The following LDB2 variants were observed in gnomAD, a reference collection of about 807,000 sequenced individuals.
LDB2 encodes the protein LIM domain binding 2, also known as LIM domain-binding protein 2.
In LDB2, 12 loss-of-function variants were observed where a neutral mutation model predicts 44.3. The observed-to-expected ratio is 0.27, with a 90% CI of 0.17 to 0.44. LDB2 has a LOEUF of 0.44. Ranked by LOEUF, LDB2 falls within the 20% of genes least tolerant of loss-of-function variation. The pLI is 1.00. For missense variants in LDB2, 344 were observed against 473.5 expected (o/e 0.73, Z 2.54); for synonymous variants, 164 against 174.8 (o/e 0.94, Z 0.49).
chr4:16,847,144 T>C (rs1404716869), intron 1 of LDB2, among the ~76,000 whole-genome samples: 2 of 152,208 alleles, frequency 1.3e-5, no homozygotes, highest in Non-Finnish European at 2.9e-5. Context: ...TATGGCAAGA[T>C]AAAAACATTT....
chr4:16,589,781 A>G (rs1161937247), intron 3 of LDB2, among the ~76,000 whole-genome samples: 1 of 152,140 alleles, frequency 6.6e-6, no homozygotes, highest in East Asian at 1.9e-4. Flanking sequence ...TGCCTTAGGA[A>G]AGCAGTACAA....
chr4:16,774,664 T>C (rs1256161670), intron 1 of LDB2, among the ~76,000 whole-genome samples: 1 of 152,206 alleles, frequency 6.6e-6, no homozygotes, highest in Non-Finnish European at 1.5e-5. Context: ...CTTAATTTTC[T>C]CAGAGTCACA....
intron 2 of LDB2, among the ~76,000 whole-genome samples, chr4:16,618,461 GTA>G (rs1727979409): frequency 1.3e-5 from 2 of 152,124 alleles, no homozygotes; most frequent in African/African-American, 2.4e-5. Context: ...TTGTATATAT[GTA>G]TATATGTATG....
At chr4:16,620,566 C>T (rs968852144) in intron 2 of LDB2, among the ~76,000 whole-genome samples, 1 of 152,168 alleles carries the variant, frequency 6.6e-6, no homozygotes, top group Admixed American at 6.5e-5. Context: ...TGATACTTCT[C>T]GCCTCTCTCT....
chr4:16,561,486 A>C (rs1231866461), intron 5 of LDB2, among the ~76,000 whole-genome samples: 6 of 152,186 alleles, frequency 3.9e-5, no homozygotes, highest in Non-Finnish European at 7.3e-5. Flanking sequence ...AAAGAGAATA[A>C]AATACCTAGG....
intron 2 of LDB2, among the ~76,000 whole-genome samples, chr4:16,665,037 C>T (rs1417182800): frequency 6.6e-6 from 1 of 152,144 alleles, no homozygotes; most frequent in Non-Finnish European, 1.5e-5. Context: ...ATGAACTACC[C>T]CATCATTTGC....
rs139740305 is a variant in LDB2 at position 16,799,168 on chromosome 4, C to T, written c.133-39908G>A. Among the ~76,000 whole-genome samples the T allele has an allele frequency of 1.5e-3, 229 of 152,254 alleles. 2 individuals are homozygous for T. Among genetic ancestry groups the T allele is most frequent in the African/African-American group, 5.2e-3 (215 of 41,576 alleles). On this transcript the variant is annotated intron_variant, in intron 1 of 7. Transcript: ENST00000304523. ...GCGCCCGGCTCGTGACTGGGGTTTT[C>T]ATCTGTCAGCCATCTACGCAGTTAA...
At chr4:16,757,720 C>T (rs1766961699) in intron 2 of LDB2, among the ~76,000 whole-genome samples, 1 of 152,046 alleles carries the variant, frequency 6.6e-6, no homozygotes, top group Non-Finnish European at 1.5e-5. Context: ...GAGTAATTGT[C>T]GGACTGCTGA....
At chr4:16,808,154 T>C (rs1406916929) in intron 1 of LDB2, among the ~76,000 whole-genome samples, 4 of 152,156 alleles carry the variant, frequency 2.6e-5, no homozygotes. Flanking sequence ...AATCTTACAG[T>C]GGACGTCTCT....
At chr4:16,726,516 G>A (rs1469088531) in intron 2 of LDB2, 3 of 152,138 alleles carry the variant, frequency 2.0e-5, no homozygotes, top group African/African-American at 7.2e-5. Flanking sequence ...GCCAGAATCA[G>A]GTTCCTTGAA....
chr4:16,564,379 C>CTT (rs1743703985), intron 5 of LDB2, among the ~76,000 whole-genome samples: 1 of 152,040 alleles, frequency 6.6e-6, no homozygotes, highest in Non-Finnish European at 1.5e-5. Context: ...GAAAAAATAA[C>CTT]AAACAATCAA....
At chr4:16,801,185 G>T (rs1351660727) in intron 1 of LDB2, among the ~76,000 whole-genome samples, 1 of 152,164 alleles carries the variant, frequency 6.6e-6, no homozygotes. Context: ...CCCGTCTTCA[G>T]TTCTGTTTGG....
intron 1 of LDB2, among the ~76,000 whole-genome samples, chr4:16,867,630 A>C (rs777959347): frequency 2.6e-5 from 4 of 152,210 alleles, no homozygotes; most frequent in Non-Finnish European, 5.9e-5. Context: ...AGAATCATTA[A>C]CTTGAGATGG....
intron 2 of LDB2, among the ~76,000 whole-genome samples, chr4:16,752,027 A>G (rs890878969): frequency 4.6e-5 from 7 of 152,220 alleles, no homozygotes; most frequent in African/African-American, 1.7e-4. Context: ...GAAACCATTT[A>G]ATGGAACCCC....
chr4:16,840,474 A>C (rs151067045), intron 1 of LDB2, among the ~76,000 whole-genome samples: 6 of 152,312 alleles, frequency 3.9e-5, no homozygotes, highest in African/African-American at 1.4e-4. Context: ...AAACTCACAG[A>C]AAGTCAGCAG....
At chr4:16,666,041 C>A (rs1743079290) in intron 2 of LDB2, among the ~76,000 whole-genome samples, 1 of 152,190 alleles carries the variant, frequency 6.6e-6, no homozygotes, top group Non-Finnish European at 1.5e-5. Context: ...GCTGCCGACA[C>A]CTTGATTTTA....
intron 2 of LDB2, among the ~76,000 whole-genome samples, chr4:16,745,854 T>C (rs763651281): frequency 1.1e-4 from 17 of 152,008 alleles, no homozygotes; most frequent in Non-Finnish European, 2.2e-4. Context: ...AGAATTTTTT[T>C]TTAATCCAAA....
At chr4:16,626,449 T>C (rs1253990866) in intron 2 of LDB2, among the ~76,000 whole-genome samples, 2 of 152,208 alleles carry the variant, frequency 1.3e-5, no homozygotes, top group Non-Finnish European at 2.9e-5. Context: ...AGTTTGAAAT[T>C]GGTCACGAAT....
chr4:16,736,625 G>A (rs116428109), intron 2 of LDB2, among the ~76,000 whole-genome samples: 2,804 of 152,262 alleles, frequency 0.018, 90 homozygotes, highest in African/African-American at 0.063. Context: ...TGGGCAAGTC[G>A]CAGAATCTTC....
Sources: gnomAD v4.1 joint callset for allele counts (sites outside exome capture counted in the v4.1 genomes callset) on GRCh38, gnomAD v4.1.1 for gene constraint, MANE v1.5 for transcripts, NCBI Gene and HGNC (gene_info 2026-07-23, HGNC 2026-07-21) for gene names.